The following TAFA1 variants were observed in gnomAD, a reference collection of about 807,000 sequenced individuals.
TAFA1 encodes the protein TAFA chemokine like family member 1.
TAFA1 carries 4 observed loss-of-function variants against 18.5 expected under a neutral mutation model. The ratio of observed to expected loss-of-function variants is 0.22; its 90% CI spans 0.11 to 0.49. TAFA1 has a LOEUF of 0.49. Among genes scored for constraint, TAFA1 ranks in the 20% least tolerant of loss-of-function variants. The pLI is 0.98. For synonymous variants in TAFA1, 56 were observed against 55.2 expected, an observed-to-expected ratio of 1.01 and a Z score of -0.06; for missense variants, 147 against 169.0, an observed-to-expected ratio of 0.87 and a Z score of 0.72.
Position 68,088,693 on chromosome 3 carries a change from C to A in TAFA1, c.118+81949C>A, listed in dbSNP as rs373453092. ...AAGCTGAGAGGTAGGGATGGCAAAA[C>A]AACAAATACAATGAGAGCTCTGAGC... is the stretch of plus-strand genomic sequence containing the variant. On this transcript the variant is annotated intron_variant, in intron 2 of 4. Transcript: ENST00000478136. 2.6e-5 allele frequency among the ~76,000 whole-genome samples: 4 copies of A among 152,198 alleles called. No homozygotes were observed. The South Asian group carries it at 8.3e-4, about 32-fold the overall frequency.
chr3:68,166,713 G>C (rs1165764018), intron 2 of TAFA1, among the ~76,000 whole-genome samples: 1 of 152,158 alleles, frequency 6.6e-6, no homozygotes, highest in Non-Finnish European at 1.5e-5. Context: ...GACGGGAAGG[G>C]AACATTTTCG....
chr3:68,021,483 T>C (rs1340564713), intron 2 of TAFA1, among the ~76,000 whole-genome samples: 1 of 152,186 alleles, frequency 6.6e-6, no homozygotes, highest in Non-Finnish European at 1.5e-5. Context: ...ATCACCCTTT[T>C]ATCATAGGAT....
At chr3:68,380,386 A>T (rs2106667713) in intron 2 of TAFA1, among the ~76,000 whole-genome samples, 1 of 152,302 alleles carries the variant, frequency 6.6e-6, no homozygotes, top group East Asian at 1.9e-4. Context: ...TCCCACCAAC[A>T]GTGTAAAAGT....
At chr3:68,106,833 C>G (rs886620114) in intron 2 of TAFA1, among the ~76,000 whole-genome samples, 1 of 152,000 alleles carries the variant, frequency 6.6e-6, no homozygotes. Context: ...AAGTGTTCAA[C>G]ATCATTAGTC....
At chr3:68,122,792 A>G (rs2065416677) in intron 2 of TAFA1, among the ~76,000 whole-genome samples, 1 of 151,146 alleles carries the variant, frequency 6.6e-6, no homozygotes, top group Non-Finnish European at 1.5e-5. Flanking sequence ...ATTTCTGTAT[A>G]TGTGTGTATA....
chr3:68,338,586 A>T (rs2069017695), intron 2 of TAFA1, among the ~76,000 whole-genome samples: 1 of 152,284 alleles, frequency 6.6e-6, no homozygotes, highest in South Asian at 2.1e-4. Flanking sequence ...ACTTGTGAAT[A>T]TTGTTGTCCT....
intron 3 of TAFA1, among the ~76,000 whole-genome samples, chr3:68,537,061 T>C (rs74624451): frequency 0.025 from 3,838 of 152,204 alleles, 145 homozygotes; most frequent in African/African-American, 0.076. Flanking sequence ...GTGGATAAAT[T>C]TGCCTTTCTG....
At chr3:68,129,591 G>A (rs775914398) in intron 2 of TAFA1, among the ~76,000 whole-genome samples, 1 of 152,120 alleles carries the variant, frequency 6.6e-6, no homozygotes, top group Non-Finnish European at 1.5e-5. Flanking sequence ...CAAGATGCTG[G>A]TTCCATAACA....
At chr3:68,527,960 A>G (rs937341738) in intron 3 of TAFA1, among the ~76,000 whole-genome samples, 16 of 152,132 alleles carry the variant, frequency 1.1e-4, no homozygotes, top group African/African-American at 3.9e-4. Context: ...AGGGAATGCA[A>G]TCCTAATGAA....
chr3:68,441,458 C>T (rs959990044), intron 3 of TAFA1, among the ~76,000 whole-genome samples: 1 of 152,130 alleles, frequency 6.6e-6, no homozygotes, highest in Non-Finnish European at 1.5e-5. Context: ...TAGCTCTTGG[C>T]CTGTTACTGG....
At chr3:68,054,740 G>A (rs2064512810) in intron 2 of TAFA1, among the ~76,000 whole-genome samples, 2 of 152,202 alleles carry the variant, frequency 1.3e-5, no homozygotes, top group South Asian at 2.1e-4. Flanking sequence ...TACAGGCAAA[G>A]CTTTGCCAAC....
intron 2 of TAFA1, among the ~76,000 whole-genome samples, chr3:68,282,213 T>C (rs981015153): frequency 4.6e-5 from 7 of 152,276 alleles, no homozygotes; most frequent in Non-Finnish European, 7.4e-5. Context: ...ATGGGGATTA[T>C]GGGAACTATA....
At chr3:68,505,352 C>G (rs931897917) in intron 3 of TAFA1, among the ~76,000 whole-genome samples, 1 of 152,124 alleles carries the variant, frequency 6.6e-6, no homozygotes, top group African/African-American at 2.4e-5. Flanking sequence ...ATGGTTGTAA[C>G]CTTATAATCA....
At chr3:68,287,478 A>ATT (rs5849812) in intron 2 of TAFA1, among the ~76,000 whole-genome samples, 4 of 151,760 alleles carry the variant, frequency 2.6e-5, no homozygotes, top group African/African-American at 9.7e-5. Context: ...GGGCAATGAG[A>ATT]TTTTTTTCTT....
chr3:68,032,152 G>T (rs1704948335), intron 2 of TAFA1, among the ~76,000 whole-genome samples: 1 of 151,924 alleles, frequency 6.6e-6, no homozygotes, highest in Non-Finnish European at 1.5e-5. Context: ...CAAAGTAACA[G>T]CTTATCTGGT....
chr3:68,007,295 A>G (rs1345166328), intron 2 of TAFA1, among the ~76,000 whole-genome samples: 1 of 152,074 alleles, frequency 6.6e-6, no homozygotes, highest in Non-Finnish European at 1.5e-5. Context: ...TGGCAGTTTC[A>G]GGGACGAAGT....
intron 2 of TAFA1, among the ~76,000 whole-genome samples, chr3:68,262,958 C>T (rs557434726): frequency 6.6e-6 from 1 of 152,282 alleles, no homozygotes; most frequent in South Asian, 2.1e-4. Flanking sequence ...TTATTGAAAA[C>T]ATTGACACTG....
chr3:68,190,169 T>C (rs1197337262), intron 2 of TAFA1, among the ~76,000 whole-genome samples: 2 of 151,942 alleles, frequency 1.3e-5, no homozygotes, highest in East Asian at 1.9e-4. Flanking sequence ...CTTTTTTTCC[T>C]TCAGGATTCA....
At chr3:68,378,538 G>A (rs1021121115) in intron 2 of TAFA1, among the ~76,000 whole-genome samples, 3 of 152,100 alleles carry the variant, frequency 2.0e-5, no homozygotes, top group Non-Finnish European at 4.4e-5. Flanking sequence ...TGAGACTTTG[G>A]ACTGTGGATC....
Sources: gnomAD v4.1 joint callset for allele counts (sites outside exome capture counted in the v4.1 genomes callset) on GRCh38, gnomAD v4.1.1 for gene constraint, MANE v1.5 for transcripts, NCBI Gene and HGNC (gene_info 2026-07-23, HGNC 2026-07-21) for gene names.